PRPF39: variants seen among roughly 807,000 people sequenced by gnomAD.
The protein encoded by PRPF39 is pre-mRNA processing factor 39.
A neutral mutation model predicts 82.1 loss-of-function variants in PRPF39; 27 were observed. The ratio of observed to expected loss-of-function variants is 0.33; its 90% CI spans 0.24 to 0.45. The LOEUF (loss-of-function observed/expected upper bound fraction) is 0.45, where lower values mean the gene tolerates loss of function less well. Ranked by LOEUF, PRPF39 falls within the 20% of genes least tolerant of loss-of-function variation. The pLI is 1.00. For synonymous variants in PRPF39, 261 were observed against 256.4 expected, an observed-to-expected ratio of 1.02 and a Z score of -0.17; for missense variants, 581 against 796.9, an observed-to-expected ratio of 0.73 and a Z score of 3.26.
At chr14:45,085,061 G>A (rs1035540378) in intron 1 of PRPF39, among the ~76,000 whole-genome samples, 1 of 152,104 alleles carries the variant, frequency 6.6e-6, no homozygotes, top group Non-Finnish European at 1.5e-5. Flanking sequence ...AATAAACTTT[G>A]CTACAGCTGG....
intron 1 of PRPF39, among the ~76,000 whole-genome samples, chr14:45,085,427 AAAG>A (rs1263792122): frequency 2.0e-5 from 3 of 152,224 alleles, no homozygotes; most frequent in Admixed American, 1.3e-4. Context: ...ATTGAATAAG[AAAG>A]AAGATGTTTA....
chr14:45,099,109 C>T (rs1400506710), intron 4 of PRPF39, among the ~76,000 whole-genome samples: 1 of 152,128 alleles, frequency 6.6e-6, no homozygotes, highest in Non-Finnish European at 1.5e-5. Flanking sequence ...AGGATGTTCT[C>T]TTTGGGTCTG....
At chr14:45,103,417 A>T (rs911446541) in intron 5 of PRPF39, among the ~76,000 whole-genome samples, 1 of 151,878 alleles carries the variant, frequency 6.6e-6, no homozygotes, top group Non-Finnish European at 1.5e-5. Context: ...TATAATTTTT[A>T]TGAGTAGTAT....
chr14:45,096,418 T>C (rs1201270293), intron 3 of PRPF39, 190 bp downstream of exon 3: 1 of 1,501,778 alleles, frequency 6.7e-7, no homozygotes, highest in South Asian at 1.2e-5. Context: ...CTCTCTTTGT[T>C]GGCAGGTGCG....
intron 5 of PRPF39, among the ~76,000 whole-genome samples, chr14:45,106,000 T>A (rs1884519488): frequency 6.6e-6 from 1 of 152,058 alleles, no homozygotes; most frequent in Non-Finnish European, 1.5e-5. Flanking sequence ...AATGAAAAGC[T>A]AGGTGGAAGA....
chr14:45,114,706 A>C lies in PRPF39; in HGVS notation c.1953+92A>C, dbSNP rs139365465. ...TTTTTTAAAAAAAGTTTTTGTTCCA[A>C]TTGTGTAATACATTCTTTGGTGGTT... On this transcript the variant is annotated intron_variant, in intron 13 of 13. Transcript: ENST00000355765. The C allele has an allele frequency of 2.1e-6, 3 of 1,457,024 alleles. No homozygotes were observed. In the Admixed American group the frequency reaches 6.5e-5, roughly 32 times the overall value. The allele number at this position is 1,457,024 out of a possible 1,614,324, so 90.3% of individuals were successfully genotyped here. A position where few individuals can be genotyped will look rare whatever the true frequency, so the allele number is the denominator to read the frequency against.
chr14:45,114,676 T>C (rs778404182), intron 13 of PRPF39, 62 bp downstream of exon 13: 4 of 1,547,232 alleles, frequency 2.6e-6, no homozygotes, highest in Non-Finnish European at 3.5e-6. Flanking sequence ...TAGGATAGTT[T>C]CTTTTTTTTT....
chr14:45,102,495 G>T, intron 4 of PRPF39, 34 bp from the exon 5 acceptor site: 1 of 1,494,542 alleles, frequency 6.7e-7, no homozygotes, highest in East Asian at 2.3e-5. Flanking sequence ...ATTTTATCTT[G>T]GAAAGATAAC....
At chr14:45,109,132 T>C (rs1358946950) in intron 7 of PRPF39, among the ~76,000 whole-genome samples, 1 of 152,220 alleles carries the variant, frequency 6.6e-6, no homozygotes, top group Non-Finnish European at 1.5e-5. Context: ...TTTCTGTAGA[T>C]TTCCCTATAA....
At chr14:45,105,932 C>A (rs934914065) in intron 5 of PRPF39, among the ~76,000 whole-genome samples, 1 of 151,982 alleles carries the variant, frequency 6.6e-6, no homozygotes, top group Non-Finnish European at 1.5e-5. Flanking sequence ...CTTAAAAGTC[C>A]CGAGGTGATG....
intron 10 of PRPF39, among the ~76,000 whole-genome samples, chr14:45,111,223 A>G (rs1454687637): frequency 2.0e-5 from 3 of 152,216 alleles, no homozygotes; most frequent in Non-Finnish European, 2.9e-5. Context: ...TATTTTTTAT[A>G]TATCAATTGA....
At position 45,102,254 on chromosome 14, in the gene PRPF39, T is replaced by A. The variant is rs1382298322; in HGVS notation, c.570-275T>A. Among the ~76,000 whole-genome samples the A allele has an allele frequency of 3.3e-5, 5 of 152,364 alleles. No individual in the cohort carries two copies. In the East Asian group the frequency reaches 7.7e-4, roughly 23 times the overall value. On this transcript the variant is annotated intron_variant, in intron 4 of 13. Transcript: ENST00000355765. ...CAGATTTAACAAATACTTACATGTC[T>A]ACTCTTACCTATTTGCAATGTGTAC... is the stretch of plus-strand genomic sequence containing the variant.
At chr14:45,096,612 T>A (rs1884208864) in intron 3 of PRPF39, 1 of 1,468,622 alleles carries the variant, frequency 6.8e-7, no homozygotes, top group African/African-American at 1.4e-5. Context: ...TCATTGATGC[T>A]CTAATGGGTC....
chr14:45,096,627 C>T (rs371293863), intron 3 of PRPF39: 1 of 1,480,018 alleles, frequency 6.8e-7, no homozygotes, highest in East Asian at 2.8e-5. Flanking sequence ...TGGGTCTGTG[C>T]CCTATGGTCT....
chr14:45,086,681 C>T (rs529421126), intron 1 of PRPF39, among the ~76,000 whole-genome samples: 2 of 152,122 alleles, frequency 1.3e-5, no homozygotes, highest in South Asian at 2.1e-4. Flanking sequence ...TGCTGTTACA[C>T]GGCAAGTATT....
chr14:45,101,666 G>C (rs759374800), intron 4 of PRPF39, among the ~76,000 whole-genome samples: 1 of 151,258 alleles, frequency 6.6e-6, no homozygotes, highest in African/African-American at 2.4e-5. Context: ...GGGTTTCGCC[G>C]TGTTGGCAAG....
intron 4 of PRPF39, among the ~76,000 whole-genome samples, chr14:45,101,424 G>A (rs995033137): frequency 6.6e-6 from 1 of 151,970 alleles, no homozygotes; most frequent in African/African-American, 2.4e-5. Context: ...GAAATCTCTT[G>A]ACATGACTAG....
At position 45,109,690 on chromosome 14, in the gene PRPF39, T is replaced by C; in HGVS notation, c.1086T>C (p.Phe362=). 1 of 1,608,682 alleles carries C rather than the reference T, an allele frequency of 6.2e-7. No individual in the cohort carries two copies. The highest frequency in any genetic ancestry group is 1.1e-5 in the South Asian group (1 of 90,056). The change falls in exon 8 of 14, where the codon TTT becomes TTC. Residue 362 remains phenylalanine, a synonymous_variant. Transcript: ENST00000355765. ...QLKNWKEYLE[F]EIENGTHERV... ...AAAACTGGAAAGAATACTTAGAATT[T>C]GAAATTGAAAATGGGACTCATGAAC...
At chr14:45,109,531 T>G in intron 7 of PRPF39, 85 bp from the exon 8 acceptor site, 1 of 1,067,080 alleles carries the variant, frequency 9.4e-7, no homozygotes, top group South Asian at 3.2e-5. Flanking sequence ...CAATTATATT[T>G]AAAATTATTT....
Sources: allele counts gnomAD v4.1 joint callset (sites outside exome capture counted in the v4.1 genomes callset), GRCh38; gene constraint gnomAD v4.1.1; transcripts MANE v1.5; gene names NCBI Gene and HGNC (gene_info 2026-07-23, HGNC 2026-07-21).